SLC24A2: variants seen among roughly 807,000 people sequenced by gnomAD.
The protein encoded by SLC24A2 is sodium/potassium/calcium exchanger 2.
A neutral mutation model predicts 62.0 loss-of-function variants in SLC24A2; 36 were observed. The observed-to-expected ratio is 0.58, with a 90% confidence interval of 0.44 to 0.77. The LOEUF (loss-of-function observed/expected upper bound fraction) is 0.77, where lower values mean the gene tolerates loss of function less well. SLC24A2 is among the 30% of genes least tolerant of loss of function. The pLI is 0.00. For missense variants in SLC24A2, 846 were observed against 817.9 expected (o/e 1.03, Z -0.42); for synonymous variants, 358 against 294.0 (o/e 1.22, Z -2.23).
At chr9:19,726,429 T>G (rs1485753031) in intron 2 of SLC24A2, among the ~76,000 whole-genome samples, 1 of 152,196 alleles carries the variant, frequency 6.6e-6, no homozygotes, top group East Asian at 1.9e-4. Flanking sequence ...TTGTTCATCT[T>G]GTTTTATTTT....
the SLC24A2 span, among the ~76,000 whole-genome samples, chr9:19,861,348 C>T: frequency 1.5e-3 from 233 of 152,310 alleles, 2 homozygotes; most frequent in South Asian, 5.6e-3. Flanking sequence ...AAGGCAGTAC[C>T]TCTACAAGTC....
the SLC24A2 span, among the ~76,000 whole-genome samples, chr9:20,009,264 G>T: frequency 1.6e-4 from 25 of 151,754 alleles, no homozygotes; most frequent in Admixed American, 6.6e-5. Flanking sequence ...AAGAATGGGG[G>T]TGTTTAGCTA....
intron 7 of SLC24A2, among the ~76,000 whole-genome samples, chr9:19,559,917 C>G (rs1432457649): frequency 6.6e-6 from 1 of 152,126 alleles, no homozygotes; most frequent in Non-Finnish European, 1.5e-5. Flanking sequence ...GAGACTGACC[C>G]ATAAAATTAT....
Position 19,559,626 on chromosome 9 carries a change from C to G in SLC24A2, c.1348-9358G>C, listed in dbSNP as rs76734120. On this transcript the variant is annotated intron_variant, in intron 7 of 10. Coordinates refer to ENST00000341998, the MANE Select transcript of SLC24A2 (RefSeq NM_020344.4). ...ATAGTCACACTTTGAAACAGGGAAA[C>G]GCTCTGAAATCAACAACTATTTGCC... Among the ~76,000 whole-genome samples the G allele has an allele frequency of 5.1e-4, 78 of 152,198 alleles. 1 individual carries two copies. Among genetic ancestry groups the G allele is most frequent in the African/African-American group, 1.8e-3 (74 of 41,528 alleles).
rs796477841 is a variant in SLC24A2 at position 19,563,875 on chromosome 9, G to C, written c.1347+9476C>G. Among the ~76,000 whole-genome samples, 139 of 125,870 alleles carry C rather than the reference G, an allele frequency of 1.1e-3. 1 individual carries two copies. The highest frequency in any genetic ancestry group is 3.8e-3 in the African/African-American group (131 of 34,840). 82.6% of individuals were successfully genotyped at this position (125,870 alleles called of 152,430 possible). A position where few individuals can be genotyped will look rare whatever the true frequency, so the allele number is the denominator to read the frequency against. Reference sequence around the variant, plus strand: ...CTCCCTCCCTCCCTCCTTTCCTTTCGATGGGGTCTCCTTTGTAGCCTAGGC... The same window carrying C: ...CTCCCTCCCTCCCTCCTTTCCTTTCCATGGGGTCTCCTTTGTAGCCTAGGC... On this transcript the variant is annotated intron_variant, in intron 7 of 10. Coordinates refer to ENST00000341998, the MANE Select transcript of SLC24A2 (RefSeq NM_020344.4).
At chr9:19,849,604 A>G in the SLC24A2 span, among the ~76,000 whole-genome samples, 2 of 152,218 alleles carry the variant, frequency 1.3e-5, no homozygotes, top group Non-Finnish European at 2.9e-5. Flanking sequence ...GAAATGCATT[A>G]TTGTAAAATA....
chr9:20,137,506 GT>G, the SLC24A2 span, among the ~76,000 whole-genome samples: 2 of 152,176 alleles, frequency 1.3e-5, no homozygotes, highest in African/African-American at 4.8e-5. Flanking sequence ...TGTTAAGATA[GT>G]CTTGGAAATA....
At chr9:19,946,150 AGGC>A in the SLC24A2 span, among the ~76,000 whole-genome samples, 1 of 152,178 alleles carries the variant, frequency 6.6e-6, no homozygotes, top group Admixed American at 6.5e-5. Context: ...CCATGAGCAA[AGGC>A]GGCCATCCCT....
At position 19,528,136 on chromosome 9, in the gene SLC24A2, T is replaced by C; in HGVS notation, c.1482A>G (p.Ser494=). The change falls in exon 9 of 11, where the codon TCA becomes TCG. Residue 494 remains serine (S), a splice_region_variant and synonymous_variant. Coordinates refer to ENST00000341998, the MANE Select transcript of SLC24A2 (RefSeq NM_020344.4). ...ACGTGATGGGAAAAAACTTCCTCGATGACTGAAAGACAACCAGGAAGAGTT... is the reference window on the plus strand; with the variant it reads ...ACGTGATGGGAAAAAACTTCCTCGACGACTGAAAGACAACCAGGAAGAGTT... The part of the protein sequence containing the change: ...WITLPDVRKP[S]SRKFFPITFF... 1 of 1,571,894 alleles carries C rather than the reference T, an allele frequency of 6.4e-7. No homozygotes were observed. The highest frequency in any genetic ancestry group is 8.7e-7 in the Non-Finnish European group (1 of 1,153,282).
At chr9:20,289,799 C>T in the SLC24A2 span, among the ~76,000 whole-genome samples, 1 of 152,178 alleles carries the variant, frequency 6.6e-6, no homozygotes, top group Non-Finnish European at 1.5e-5. Context: ...GGGCTTATAA[C>T]TAGCAGGGTT....
intron 2 of SLC24A2, among the ~76,000 whole-genome samples, chr9:19,659,495 G>T (rs1819032651): frequency 6.6e-6 from 1 of 152,066 alleles, no homozygotes; most frequent in Non-Finnish European, 1.5e-5. Flanking sequence ...CATGTTTTCT[G>T]CTGGGTCCCT....
the SLC24A2 span, among the ~76,000 whole-genome samples, chr9:20,004,648 A>G: frequency 2.6e-5 from 4 of 152,236 alleles, no homozygotes; most frequent in East Asian, 5.8e-4. Context: ...CTGGAGTTTT[A>G]TAAGGGATTT....
At chr9:20,263,857 A>T in the SLC24A2 span, among the ~76,000 whole-genome samples, 2 of 22,220 alleles carry the variant, frequency 9.0e-5, no homozygotes, top group African/African-American at 1.7e-4. Context: ...TGGATATCCC[A>T]CCCGCCCCCC....
intron 8 of SLC24A2, among the ~76,000 whole-genome samples, chr9:19,545,064 A>G (rs559630251): frequency 2.0e-4 from 30 of 152,250 alleles, no homozygotes; most frequent in Admixed American, 1.6e-3. Flanking sequence ...CAGGTACACC[A>G]ATCAGAGGTG....
intron 2 of SLC24A2, among the ~76,000 whole-genome samples, chr9:19,774,175 A>G (rs927179305): frequency 6.6e-6 from 1 of 152,204 alleles, no homozygotes; most frequent in Non-Finnish European, 1.5e-5. Context: ...AGAGACCAGG[A>G]GAAGTGTATC....
the SLC24A2 span, among the ~76,000 whole-genome samples, chr9:20,097,105 A>G: frequency 2.6e-5 from 4 of 152,138 alleles, no homozygotes; most frequent in African/African-American, 7.2e-5. Flanking sequence ...TATTCCTCCA[A>G]TGTCCACCCT....
chr9:20,296,751 G>A, the SLC24A2 span, among the ~76,000 whole-genome samples: 6 of 152,200 alleles, frequency 3.9e-5, no homozygotes, highest in Non-Finnish European at 8.8e-5. Flanking sequence ...ATAAAGCTGG[G>A]TGTACAGAAT....
the SLC24A2 span, among the ~76,000 whole-genome samples, chr9:19,812,632 T>A: frequency 6.6e-6 from 1 of 152,190 alleles, no homozygotes; most frequent in Non-Finnish European, 1.5e-5. Context: ...GAACCACCTG[T>A]AGTTCTACAT....
chr9:19,639,300 A>T (rs7022540), intron 2 of SLC24A2, among the ~76,000 whole-genome samples: 93,493 of 152,078 alleles, frequency 0.61, 29,498 homozygotes, highest in East Asian at 0.77. Context: ...TCCTTTTGCA[A>T]TGGTGACTTT....
Sources: allele counts gnomAD v4.1 joint callset (sites outside exome capture counted in the v4.1 genomes callset), GRCh38; gene constraint gnomAD v4.1.1; transcripts MANE v1.5; gene names NCBI Gene and HGNC (gene_info 2026-07-23, HGNC 2026-07-21).